STAB2: variants seen among roughly 807,000 people sequenced by gnomAD.
The protein encoded by STAB2 is stabilin-2.
In STAB2, 288 loss-of-function variants were observed where a neutral mutation model predicts 338.1. The ratio of observed to expected loss-of-function variants is 0.85; its 90% CI spans 0.77 to 0.94. STAB2 has a LOEUF of 0.94. STAB2 is among the 40% of genes least tolerant of loss of function. The probability of loss-of-function intolerance (pLI) is 0.00; values close to 1 mark genes in which losing one functional copy is unlikely to be tolerated. For synonymous variants in STAB2, 1,202 were observed against 1,193.3 expected, an observed-to-expected ratio of 1.01 and a Z score of -0.15; for missense variants, 3,141 against 3,210.1, an observed-to-expected ratio of 0.98 and a Z score of 0.52.
At chr12:103,671,513 T>G (rs1035489804) in intron 22 of STAB2, among the ~76,000 whole-genome samples, 1 of 152,138 alleles carries the variant, frequency 6.6e-6, no homozygotes, top group African/African-American at 2.4e-5. Context: ...GCTCCTTTAT[T>G]TGCAAGGCCT....
At chr12:103,648,569 C>T in intron 9 of STAB2, 121 bp from the exon 10 acceptor site, 2 of 1,343,390 alleles carry the variant, frequency 1.5e-6, no homozygotes, top group Non-Finnish European at 2.0e-6. Flanking sequence ...GGAATGCTCT[C>T]TTGTCCCTAT....
rs4981017 is a variant in STAB2 at position 103,683,436 on chromosome 12, C to T, written c.2901+136C>T. The T allele has an allele frequency of 0.39, 252,110 of 653,686 alleles. 50,559 individuals are homozygous for T. The highest frequency in any genetic ancestry group is 0.4 in the Non-Finnish European group (164,096 of 411,680). 40.5% of individuals were successfully genotyped at this position (653,686 alleles called of 1,614,324 possible). ...CAAAAGGGAATCTCTAAGCAGAATG[C>T]GAGTAGTTATTGCAACTTCTACTTC... On this transcript the variant is annotated intron_variant, in intron 26 of 68. Transcript: ENST00000388887.
At chr12:103,665,804 T>A (rs1314569723) in intron 18 of STAB2, among the ~76,000 whole-genome samples, 1 of 152,186 alleles carries the variant, frequency 6.6e-6, no homozygotes, top group African/African-American at 2.4e-5. Flanking sequence ...CCCAATTCCA[T>A]CACCCTGAAC....
rs1876486472 is a variant in STAB2 at position 103,677,441 on chromosome 12, T to C, written c.2647-12T>C. 1.3e-6 allele frequency: 2 copies of C among 1,596,688 alleles called. No individual in the cohort carries two copies. On this transcript the variant is annotated splice_polypyrimidine_tract_variant and intron_variant, in intron 24 of 68. Transcript: ENST00000388887. ...GGATTCAGAGGCTTTGCTTTTTCTT[T>C]TCCTCCTGCAGGCAGAATGCATCAA...
chr12:103,745,347 G>A, intron 57 of STAB2, 70 bp downstream of exon 57: 1 of 1,385,660 alleles, frequency 7.2e-7, no homozygotes, highest in Non-Finnish European at 9.8e-7. Flanking sequence ...GCATACAAGT[G>A]AGGTTGGGAG....
intron 34 of STAB2, among the ~76,000 whole-genome samples, chr12:103,702,662 C>T (rs1401094728): frequency 6.6e-6 from 1 of 152,176 alleles, no homozygotes; most frequent in African/African-American, 2.4e-5. Context: ...TGCACATTAA[C>T]CATGAAGCGG....
intron 39 of STAB2, 156 bp from the exon 40 acceptor site, chr12:103,711,315 C>T: frequency 3.2e-6 from 3 of 924,476 alleles, no homozygotes; most frequent in Non-Finnish European, 3.2e-6. Flanking sequence ...TCATGGCAGC[C>T]AGTATAAAAA....
intron 68 of STAB2, among the ~76,000 whole-genome samples, chr12:103,765,381 T>C (rs1259246851): frequency 6.6e-6 from 1 of 152,186 alleles, no homozygotes; most frequent in Non-Finnish European, 1.5e-5. Flanking sequence ...AAGCATAAGG[T>C]ACCAGCTTAC....
At chr12:103,607,825 T>A (rs1957055865) in intron 3 of STAB2, among the ~76,000 whole-genome samples, 1 of 152,220 alleles carries the variant, frequency 6.6e-6, no homozygotes, top group Non-Finnish European at 1.5e-5. Context: ...TTTGCTATTG[T>A]GAATAGTGCC....
chr12:103,750,565 C>A lies in STAB2; in HGVS notation c.6439-14C>A. The A allele has an allele frequency of 6.2e-7, 1 of 1,612,974 alleles. No homozygotes were observed. The highest frequency in any genetic ancestry group is 8.5e-7 in the Non-Finnish European group (1 of 1,179,060). ...GAAGGAACTTTTTCATCTCTTCCCA[C>A]TCTCCCTCCACAGGGCAAGCACAAG... On this transcript the variant is annotated splice_polypyrimidine_tract_variant and intron_variant, in intron 59 of 68. Transcript: ENST00000388887.
At chr12:103,697,639 T>C (rs914630681) in intron 33 of STAB2, among the ~76,000 whole-genome samples, 2 of 152,178 alleles carry the variant, frequency 1.3e-5, no homozygotes, top group Non-Finnish European at 2.9e-5. Context: ...GCAGAAAACA[T>C]CTCGGTCCTT....
intron 23 of STAB2, 135 bp downstream of exon 23, chr12:103,674,222 C>T (rs962723445): frequency 9.6e-7 from 1 of 1,036,428 alleles, no homozygotes; most frequent in Non-Finnish European, 1.4e-6. Flanking sequence ...TTATCTCCAG[C>T]TGACAGTGTG....
intron 8 of STAB2, among the ~76,000 whole-genome samples, chr12:103,639,770 C>T (rs542789077): frequency 6.6e-6 from 1 of 151,394 alleles, no homozygotes; most frequent in African/African-American, 2.4e-5. Flanking sequence ...GATTGAGACT[C>T]CTGGTTGGAA....
At chr12:103,736,294 C>T (rs902489509) in intron 52 of STAB2, among the ~76,000 whole-genome samples, 7 of 152,148 alleles carry the variant, frequency 4.6e-5, no homozygotes, top group African/African-American at 7.2e-5. Context: ...TGTCTACTTT[C>T]CAGGCAGTGG....
chr12:103,752,979 T>A (rs549140906), intron 60 of STAB2, among the ~76,000 whole-genome samples: 17 of 152,314 alleles, frequency 1.1e-4, no homozygotes, highest in African/African-American at 4.1e-4. Context: ...GTAGGTGGTT[T>A]TTGCTTATGT....
At chr12:103,739,389 G>A (rs371264737) in intron 53 of STAB2, 23 bp from the exon 54 acceptor site, 2 of 1,560,498 alleles carry the variant, frequency 1.3e-6, no homozygotes, top group East Asian at 4.7e-5. Flanking sequence ...TGGTTTTCAA[G>A]TGTTTCTTTT....
intron 44 of STAB2, among the ~76,000 whole-genome samples, chr12:103,721,161 C>T (rs1434596418): frequency 1.3e-5 from 2 of 152,098 alleles, no homozygotes; most frequent in African/African-American, 2.4e-5. Flanking sequence ...GGGACACAAA[C>T]ATTTAGACTA....
chr12:103,590,042 C>T (rs1956772311), intron 1 of STAB2, among the ~76,000 whole-genome samples: 1 of 152,010 alleles, frequency 6.6e-6, no homozygotes, highest in African/African-American at 2.4e-5. Context: ...TACAAAGCTG[C>T]TCCATCTTAA....
intron 25 of STAB2, among the ~76,000 whole-genome samples, chr12:103,679,151 G>T (rs948979025): frequency 6.6e-6 from 1 of 152,058 alleles, no homozygotes; most frequent in Non-Finnish European, 1.5e-5. Context: ...CAAGGCAGGA[G>T]GATCACCTGA....
Sources: allele counts gnomAD v4.1 joint callset (sites outside exome capture counted in the v4.1 genomes callset), GRCh38; gene constraint gnomAD v4.1.1; transcripts MANE v1.5; gene names NCBI Gene and HGNC (gene_info 2026-07-23, HGNC 2026-07-21).